ARID3B: variants seen among roughly 807,000 people sequenced by gnomAD.
ARID3B encodes AT-rich interactive domain-containing protein 3B.
A neutral mutation model predicts 51.9 loss-of-function variants in ARID3B; 10 were observed. The observed-to-expected ratio is 0.19, with a 90% CI of 0.12 to 0.33. ARID3B has a LOEUF of 0.33. ARID3B is among the 10% of genes least tolerant of loss of function. The pLI is 1.00. For synonymous variants in ARID3B, 205 were observed against 279.5 expected (o/e 0.73, Z 2.66); for missense variants, 483 against 716.3 (o/e 0.67, Z 3.72).
chr15:74,585,500 T>G (rs918908728), intron 4 of ARID3B, among the ~76,000 whole-genome samples: 9 of 152,250 alleles, frequency 5.9e-5, no homozygotes, highest in Non-Finnish European at 1.3e-4. Flanking sequence ...TTCAGGCAAG[T>G]TCCTAAAACC....
intron 4 of ARID3B, among the ~76,000 whole-genome samples, chr15:74,586,171 A>G (rs925512367): frequency 6.6e-6 from 1 of 152,218 alleles, no homozygotes; most frequent in African/African-American, 2.4e-5. Flanking sequence ...GCCACACAGC[A>G]GGGTGCAGGG....
rs9707969 is a variant in ARID3B at position 74,596,997 on chromosome 15, C to T, written c.*1223C>T. On this transcript the variant is annotated 3_prime_UTR_variant, in exon 9 of 9. Coordinates refer to ENST00000346246, the MANE Select transcript of ARID3B (RefSeq NM_006465.4). ...GGAGTGGAGAGGCCCGCTCTCACACCGGGTCGGGCCCTGAAACTGTACCAG... is the reference window on the plus strand; with the variant it reads ...GGAGTGGAGAGGCCCGCTCTCACACTGGGTCGGGCCCTGAAACTGTACCAG... The T allele has an allele frequency of 1.7e-4, 39 of 234,174 alleles. 1 individual carries two copies. The highest frequency in any genetic ancestry group is 7.1e-4 in the South Asian group (4 of 5,664). The allele number at this position is 234,174 out of a possible 1,614,324, so 14.5% of individuals were successfully genotyped here. A position where few individuals can be genotyped will look rare whatever the true frequency, so the allele number is the denominator to read the frequency against.
intron 4 of ARID3B, among the ~76,000 whole-genome samples, chr15:74,580,859 C>G (rs1010414544): frequency 6.6e-6 from 1 of 152,224 alleles, no homozygotes; most frequent in South Asian, 2.1e-4. Flanking sequence ...GGCCACCGTT[C>G]AGTAGCGCTT....
rs115758111 is a variant in ARID3B at position 74,558,473 on chromosome 15, A to G, written c.552+13985A>G. 8.5e-4 allele frequency among the ~76,000 whole-genome samples: 129 copies of G among 151,358 alleles called. 1 individual carries two copies. The highest frequency in any genetic ancestry group is 2.7e-3 in the African/African-American group (110 of 41,372). On this transcript the variant is annotated intron_variant, in intron 2 of 8. Transcript: ENST00000346246. ...TGCCTGTTTTTACTTTATGGTTTCT[A>G]TTCCTTCAGCTCTTTGAACATCTTT... is the stretch of plus-strand genomic sequence containing the variant.
intron 4 of ARID3B, 84 bp downstream of exon 4, chr15:74,573,288 G>GC (rs1358851779): frequency 7.0e-7 from 1 of 1,423,252 alleles, no homozygotes; most frequent in African/African-American, 1.4e-5. Flanking sequence ...AGACATCCTG[G>GC]CCCACTAATC....
chr15:74,568,357 G>A (rs1411658125), intron 2 of ARID3B, among the ~76,000 whole-genome samples: 1 of 152,058 alleles, frequency 6.6e-6, no homozygotes, highest in South Asian at 2.1e-4. Flanking sequence ...AGAACACTTC[G>A]TGTTATTCTT....
chr15:74,562,531 G>A (rs559953602), intron 2 of ARID3B, among the ~76,000 whole-genome samples: 4 of 152,056 alleles, frequency 2.6e-5, no homozygotes, highest in South Asian at 2.1e-4. Context: ...ACTGTCTCCC[G>A]GGGGGAATGC....
At chr15:74,572,360 G>A (rs2061722139) in intron 2 of ARID3B, among the ~76,000 whole-genome samples, 1 of 152,230 alleles carries the variant, frequency 6.6e-6, no homozygotes, top group Admixed American at 6.5e-5. Flanking sequence ...GCGGCTTAGG[G>A]TTTTGAATGG....
chr15:74,569,339 CATT>C (rs537321709), intron 2 of ARID3B, among the ~76,000 whole-genome samples: 4 of 151,662 alleles, frequency 2.6e-5, no homozygotes, highest in East Asian at 1.9e-4. Flanking sequence ...GCTCCCTCTT[CATT>C]ATTATTATTA....
intron 2 of ARID3B, among the ~76,000 whole-genome samples, chr15:74,555,108 T>C (rs1284666361): frequency 6.6e-6 from 1 of 152,210 alleles, no homozygotes; most frequent in East Asian, 1.9e-4. Flanking sequence ...CTCATTAATA[T>C]ATATAATTAT....
chr15:74,586,750 A>G (rs1005945804), intron 4 of ARID3B, among the ~76,000 whole-genome samples: 4 of 152,238 alleles, frequency 2.6e-5, no homozygotes, highest in Admixed American at 2.0e-4. Context: ...CATGGTAGGC[A>G]TGGTAAAGGA....
chr15:74,547,429 C>T (rs905138489), intron 2 of ARID3B, among the ~76,000 whole-genome samples: 5 of 152,102 alleles, frequency 3.3e-5, no homozygotes, highest in Admixed American at 2.0e-4. Flanking sequence ...GTGATCCGCC[C>T]GTCCTGGCCT....
intron 8 of ARID3B, among the ~76,000 whole-genome samples, chr15:74,594,259 T>C (rs527616771): frequency 2.0e-4 from 31 of 152,016 alleles, no homozygotes; most frequent in Admixed American, 1.8e-3. Context: ...CCATCCTGGC[T>C]AACACAGTGA....
chr15:74,558,178 C>CTTTT (rs1208034661), intron 2 of ARID3B, among the ~76,000 whole-genome samples: 3 of 104,658 alleles, frequency 2.9e-5, no homozygotes, highest in Admixed American at 1.0e-4. Flanking sequence ...TGGTTTGTGT[C>CTTTT]TTTTTTTTTT....
chr15:74,565,697 C>T (rs557355763), intron 2 of ARID3B, among the ~76,000 whole-genome samples: 23 of 151,592 alleles, frequency 1.5e-4, no homozygotes, highest in Non-Finnish European at 2.9e-4. Flanking sequence ...AGAGCTGGCT[C>T]CTAAGATCTT....
intron 4 of ARID3B, chr15:74,574,708 A>G (rs2061730947): frequency 2.0e-5 from 3 of 152,142 alleles, no homozygotes; most frequent in Admixed American, 2.0e-4. Flanking sequence ...TCAGTAAAAA[A>G]CAATATAATC....
intron 2 of ARID3B, among the ~76,000 whole-genome samples, chr15:74,561,968 A>T (rs949869941): frequency 6.7e-6 from 1 of 150,266 alleles, no homozygotes; most frequent in African/African-American, 2.4e-5. Flanking sequence ...GTAGGCTAAT[A>T]TATGTGTTCT....
intron 4 of ARID3B, among the ~76,000 whole-genome samples, chr15:74,585,983 C>T (rs150768777): frequency 4.6e-5 from 7 of 152,368 alleles, no homozygotes; most frequent in African/African-American, 1.7e-4. Context: ...GGCCAGCCTG[C>T]ACTGGGAGCC....
chr15:74,566,099 T>G (rs948696596), intron 2 of ARID3B, among the ~76,000 whole-genome samples: 5 of 152,132 alleles, frequency 3.3e-5, no homozygotes, highest in African/African-American at 1.2e-4. Context: ...GGCACTGATT[T>G]CTCCCTCATT....
Sources: gnomAD v4.1 joint callset for allele counts (sites outside exome capture counted in the v4.1 genomes callset) on GRCh38, gnomAD v4.1.1 for gene constraint, MANE v1.5 for transcripts, NCBI Gene and HGNC (gene_info 2026-07-23, HGNC 2026-07-21) for gene names.